Variants in EPB41L5 observed in about 807,000 individuals in gnomAD.
The protein encoded by EPB41L5 is erythrocyte membrane protein band 4.1 like 5.
A neutral mutation model predicts 106.6 loss-of-function variants in EPB41L5; 55 were observed. That is an observed-to-expected ratio of 0.52 (90% CI 0.42 to 0.65). The LOEUF (loss-of-function observed/expected upper bound fraction) is 0.65, where lower values mean the gene tolerates loss of function less well. Ranked by LOEUF, EPB41L5 falls within the 30% of genes least tolerant of loss-of-function variation. EPB41L5 has a pLI of 0.00. For missense variants in EPB41L5, 871 were observed against 882.1 expected, an observed-to-expected ratio of 0.99 and a Z score of 0.16; for synonymous variants, 297 against 306.7, an observed-to-expected ratio of 0.97 and a Z score of 0.33.
rs143783896 is a variant in EPB41L5, at chr2:120,093,075, A to G, written c.1151-174A>G. 3.0e-4 allele frequency among the ~76,000 whole-genome samples: 45 copies of G among 152,286 alleles called. 3 individuals carry two copies. Among genetic ancestry groups the G allele is most frequent in the East Asian group, 2.5e-3 (13 of 5,182 alleles). On this transcript the variant is annotated intron_variant, in intron 13 of 24. Transcript: ENST00000263713. ...GTTTGAGACCAGCCTGGGCAACAGT[A>G]GTGAGACCCACCCCTATCTCTACAA... is the stretch of plus-strand genomic sequence containing the variant.
chr2:120,157,666 C>T (rs528808561), intron 20 of EPB41L5, among the ~76,000 whole-genome samples: 4 of 151,092 alleles, frequency 2.6e-5, no homozygotes, highest in South Asian at 4.2e-4. Flanking sequence ...GTACTTCAGA[C>T]GCTGAGGCAC....
At chr2:120,139,031 A>G (rs1487461292) in intron 18 of EPB41L5, among the ~76,000 whole-genome samples, 1 of 152,082 alleles carries the variant, frequency 6.6e-6, no homozygotes, top group Admixed American at 6.6e-5. Context: ...AAATCCATAC[A>G]TCTGCAGTGA....
chr2:120,168,598 C>T (rs1687524803), intron 24 of EPB41L5, among the ~76,000 whole-genome samples: 1 of 152,222 alleles, frequency 6.6e-6, no homozygotes, highest in African/African-American at 2.4e-5. Context: ...CTACCTCAGA[C>T]CTTTTTTCTG....
intron 16 of EPB41L5, among the ~76,000 whole-genome samples, chr2:120,127,182 T>C (rs1251690526): frequency 6.6e-6 from 1 of 152,136 alleles, no homozygotes; most frequent in Non-Finnish European, 1.5e-5. Context: ...TTCCCTTAGG[T>C]TTTCAGGTGG....
Position 120,042,043 on chromosome 2 carries a change from T to C in EPB41L5, c.218T>C (p.Met73Thr), listed in dbSNP as rs991291864. ...GGACAAGAGTTGTTTGATCAGATTA[T>C]GTACCACCTGGACCTGATTGAAAGC... The part of the protein sequence containing the change: ...AKGQELFDQI[M>T]YHLDLIESDY... The change falls in exon 3 of 25, where the codon ATG becomes ACG. Residue 73 changes from methionine (M) to threonine (T), a missense_variant. By Grantham distance (81) the Met-to-Thr change is moderately conservative (BLOSUM62 -1). Transcript: ENST00000263713. 15 of 1,613,630 alleles carry C rather than the reference T, an allele frequency of 9.3e-6. No homozygotes were observed. The highest frequency in any genetic ancestry group is 1.2e-5 in the Non-Finnish European group (14 of 1,179,638).
intron 2 of EPB41L5, among the ~76,000 whole-genome samples, chr2:120,020,594 AC>A (rs869096749): frequency 1.2e-5 from 1 of 86,478 alleles, no homozygotes; most frequent in Non-Finnish European, 3.1e-5. Flanking sequence ...AGACATTCCA[AC>A]ATGAGATATT....
intron 3 of EPB41L5, among the ~76,000 whole-genome samples, chr2:120,050,835 T>C (rs1680205145): frequency 6.6e-6 from 1 of 152,196 alleles, no homozygotes; most frequent in African/African-American, 2.4e-5. Flanking sequence ...GATGGGGTTT[T>C]GGTGTGGATG....
chr2:120,128,832 C>T (rs1685569530), intron 17 of EPB41L5, among the ~76,000 whole-genome samples: 1 of 149,608 alleles, frequency 6.7e-6, no homozygotes, highest in African/African-American at 2.4e-5. Context: ...AGGTAGTAGT[C>T]TGTTATTAGA....
intron 2 of EPB41L5, among the ~76,000 whole-genome samples, chr2:120,029,598 G>A (rs181874971): frequency 2.6e-4 from 40 of 152,212 alleles, no homozygotes; most frequent in African/African-American, 9.4e-4. Flanking sequence ...TACACCTGTT[G>A]TTGTTTTTGA....
At chr2:120,167,538 T>C in intron 23 of EPB41L5, 31 bp downstream of exon 23, 1 of 1,610,074 alleles carries the variant, frequency 6.2e-7, no homozygotes, top group South Asian at 1.1e-5. Flanking sequence ...ATTTTTCTTC[T>C]GGCTACCCTT....
chr2:120,125,442 C>T (rs1374914250), intron 16 of EPB41L5, among the ~76,000 whole-genome samples: 2 of 152,174 alleles, frequency 1.3e-5, no homozygotes, highest in Admixed American at 6.5e-5. Context: ...TTTACATATG[C>T]TCCCAAATGT....
At chr2:120,113,169 T>C (rs1228131451) in intron 16 of EPB41L5, among the ~76,000 whole-genome samples, 1 of 152,240 alleles carries the variant, frequency 6.6e-6, no homozygotes, top group Non-Finnish European at 1.5e-5. Context: ...TCAGTGACAC[T>C]GTTGAGTTTA....
chr2:120,084,800 A>G lies in EPB41L5; in HGVS notation c.804-2371A>G, dbSNP rs562647643. ...ATTTGGTCTCTTTACGTAGTCCCAT[A>G]TTTCTTGGAGGCTTTGTTCGTTCCT... is the stretch of plus-strand genomic sequence containing the variant. On this transcript the variant is annotated intron_variant, in intron 10 of 24. Transcript: ENST00000263713. Among the ~76,000 whole-genome samples the G allele has an allele frequency of 9.9e-5, 15 of 152,082 alleles. No individual in the cohort carries two copies. The East Asian group carries it at 1.9e-3, about 20-fold the overall frequency.
At chr2:120,133,635 G>C (rs1302333845) in intron 18 of EPB41L5, among the ~76,000 whole-genome samples, 4 of 152,166 alleles carry the variant, frequency 2.6e-5, no homozygotes, top group Non-Finnish European at 4.4e-5. Flanking sequence ...ACCGCTGTGG[G>C]CTAAAGTGCT....
intron 7 of EPB41L5, among the ~76,000 whole-genome samples, chr2:120,076,378 T>C (rs1012468773): frequency 6.6e-6 from 1 of 151,744 alleles, no homozygotes; most frequent in Non-Finnish European, 1.5e-5. Context: ...TGCATGATTG[T>C]AGCTCTCTGA....
intron 18 of EPB41L5, among the ~76,000 whole-genome samples, chr2:120,136,745 G>A (rs1213575581): frequency 6.6e-6 from 1 of 152,004 alleles, no homozygotes; most frequent in African/African-American, 2.4e-5. Context: ...ACCCAGATAT[G>A]TAGAGCAGAT....
At chr2:120,041,363 G>A (rs1008205345) in intron 2 of EPB41L5, among the ~76,000 whole-genome samples, 4 of 152,006 alleles carry the variant, frequency 2.6e-5, no homozygotes, top group African/African-American at 9.7e-5. Flanking sequence ...GGAAACCCTC[G>A]GTGATCATGA....
chr2:120,015,907 TAAA>T (rs35254844), intron 1 of EPB41L5, among the ~76,000 whole-genome samples: 7 of 120,716 alleles, frequency 5.8e-5, no homozygotes, highest in East Asian at 2.4e-4. Context: ...AGACTGTCTC[TAAA>T]AAAAAAAAAA....
chr2:120,029,843 C>G (rs1211679100), intron 2 of EPB41L5, among the ~76,000 whole-genome samples: 1 of 152,220 alleles, frequency 6.6e-6, no homozygotes, highest in Non-Finnish European at 1.5e-5. Context: ...TGCATGCATA[C>G]ACTCAGCTGC....
Sources: allele counts gnomAD v4.1 joint callset (sites outside exome capture counted in the v4.1 genomes callset), GRCh38; gene constraint gnomAD v4.1.1; transcripts MANE v1.5; gene names NCBI Gene and HGNC (gene_info 2026-07-23, HGNC 2026-07-21).